Variants in RFX2 observed in about 807,000 individuals in gnomAD.
The protein encoded by RFX2 is regulatory factor X2, also known as DNA-binding protein RFX2.
A neutral mutation model predicts 87.8 loss-of-function variants in RFX2; 20 were observed. That is an observed-to-expected ratio of 0.23 (90% CI 0.16 to 0.33). RFX2 has a LOEUF of 0.33. Ranked by LOEUF, RFX2 falls within the 10% of genes least tolerant of loss-of-function variation. The probability of loss-of-function intolerance (pLI) is 1.00; values close to 1 mark genes in which losing one functional copy is unlikely to be tolerated. For missense variants in RFX2, 767 were observed against 1,012.3 expected, an observed-to-expected ratio of 0.76 and a Z score of 3.29; for synonymous variants, 397 against 431.3, an observed-to-expected ratio of 0.92 and a Z score of 0.98.
rs188870984 is a variant in RFX2 at position 6,002,663 on chromosome 19, G to T, written c.1650+58C>A. 9.2e-3 allele frequency: 14,741 copies of T among 1,597,238 alleles called. 88 individuals are homozygous for T. The highest frequency in any genetic ancestry group is 0.014 in the Middle Eastern group (65 of 4,506). On this transcript the variant is annotated intron_variant, in intron 14 of 17. Transcript: ENST00000303657. This position sits in a 1 kb window ranked among gnomAD's most constrained non-coding sequence, Gnocchi z 6.7. ...GCCACGGGCTCCACTTGGTGGGTTT[G>T]CTGGTTTTGCTGGAGGGCGGGAAGC...
intron 16 of RFX2, among the ~76,000 whole-genome samples, 174 bp from the exon 17 acceptor site, chr19:5,995,817 C>G (rs2144655275): frequency 6.6e-6 from 1 of 152,314 alleles, no homozygotes; most frequent in East Asian, 1.9e-4. Context: ...GGGTGGGTCC[C>G]TGTGCCCTGT....
At position 6,045,347 on chromosome 19, in the gene RFX2, G is replaced by C. The variant is rs1281460359; in HGVS notation, c.91-1065C>G. ...ACACATGGTGGCCGTGAGTGGCACT[G>C]AGACCTGTCCATGGTGGCTGCTGCA... is the stretch of plus-strand genomic sequence containing the variant. On this transcript the variant is annotated intron_variant, in intron 2 of 17. Coordinates refer to ENST00000303657, the MANE Select transcript of RFX2 (RefSeq NM_000635.4). The surrounding 1 kb of genome is among the most constrained non-coding windows in gnomAD (Gnocchi z 5.2). 6.6e-6 allele frequency among the ~76,000 whole-genome samples: 1 copy of C among 152,214 alleles called. No homozygotes were observed. The highest frequency in any genetic ancestry group is 2.4e-5 in the African/African-American group (1 of 41,464).
chr19:6,098,656 C>A (rs913362970), intron 1 of RFX2, among the ~76,000 whole-genome samples: 3 of 152,012 alleles, frequency 2.0e-5, no homozygotes, highest in African/African-American at 7.2e-5. Context: ...GAGACTTTCT[C>A]CTCAGCCTAC....
At chr19:6,003,784 A>G (rs1483075580) in intron 13 of RFX2, among the ~76,000 whole-genome samples, 1 of 96,044 alleles carries the variant, frequency 1.0e-5, no homozygotes, top group Admixed American at 1.2e-4. Flanking sequence ...GTCTCAAAAA[A>G]AAAAAAAAAA....
chr19:6,026,400 A>T lies in RFX2; in HGVS notation c.523-163T>A, dbSNP rs2086889239. ...GCTCCACGCAGGCAGGGCGGGGGTG[A>T]GTTAAATTGTGCATGAAAGCTGCGG... On this transcript the variant is annotated intron_variant, in intron 5 of 17. Transcript: ENST00000303657. This position sits in a 1 kb window ranked among gnomAD's most constrained non-coding sequence, Gnocchi z 4.5. 1.6e-6 allele frequency: 1 copy of T among 643,312 alleles called. No individual in the cohort carries two copies. Among genetic ancestry groups the T allele is most frequent in the Non-Finnish European group, 2.7e-6 (1 of 372,674 alleles). The allele number at this position is 643,312 out of a possible 1,614,324, so 39.9% of individuals were successfully genotyped here.
At chr19:6,028,619 C>T (rs2086918522) in intron 5 of RFX2, among the ~76,000 whole-genome samples, 1 of 151,160 alleles carries the variant, frequency 6.6e-6, no homozygotes, top group Non-Finnish European at 1.5e-5. Context: ...CAAAAGCAGT[C>T]AAAAAATGGG....
chr19:6,000,504 T>C (rs2086476867), intron 15 of RFX2, among the ~76,000 whole-genome samples: 1 of 152,168 alleles, frequency 6.6e-6, no homozygotes, highest in African/African-American at 2.4e-5. Context: ...ATGATCCCCA[T>C]GTGTTGTGGG....
In RFX2 at chr19:6,002,051, G is replaced by A; in HGVS notation, c.1651-28C>T. 1 of 1,564,536 alleles carries A rather than the reference G, an allele frequency of 6.4e-7. No individual in the cohort carries two copies. Reference sequence around the variant, plus strand: ...GTGGGCAGGGCAGAGGCCAGTGTCAGCAATGTGGACCCCCAGCCACGGCAG... The same window carrying A: ...GTGGGCAGGGCAGAGGCCAGTGTCAACAATGTGGACCCCCAGCCACGGCAG... On this transcript the variant is annotated intron_variant, in intron 14 of 17. Coordinates refer to ENST00000303657, the MANE Select transcript of RFX2 (RefSeq NM_000635.4). This position sits in a 1 kb window ranked among gnomAD's most constrained non-coding sequence, Gnocchi z 6.7.
chr19:6,008,082 G>A (rs1184647243), intron 10 of RFX2, 24 bp downstream of exon 10: 2 of 1,509,994 alleles, frequency 1.3e-6, no homozygotes, highest in Non-Finnish European at 1.8e-6. Flanking sequence ...CGCAGGAGCT[G>A]CCTGCCTGGG....
At chr19:6,089,767 T>C (rs2087907745) in intron 1 of RFX2, among the ~76,000 whole-genome samples, 1 of 152,148 alleles carries the variant, frequency 6.6e-6, no homozygotes, top group Non-Finnish European at 1.5e-5. Flanking sequence ...TCTCTAATAT[T>C]TTTGTTGTAG....
rs1010104191 is a variant in RFX2, at chr19:5,993,606, T to G, written c.*1229A>C. ...AAACATTTTTCCAAAAAGAGAAAACTATTGCATTTCGTTAGAAATCGCGTC... is the reference window on the plus strand; with the variant it reads ...AAACATTTTTCCAAAAAGAGAAAACGATTGCATTTCGTTAGAAATCGCGTC... On this transcript the variant is annotated 3_prime_UTR_variant, in exon 18 of 18. Transcript: ENST00000303657. 4.6e-5 allele frequency: 7 copies of G among 152,226 alleles called. No homozygotes were observed. The highest frequency in any genetic ancestry group is 1.7e-4 in the African/African-American group (7 of 41,454). The allele number at this position is 152,226 out of a possible 1,614,324, so 9.4% of individuals were successfully genotyped here.
intron 1 of RFX2, among the ~76,000 whole-genome samples, chr19:6,095,366 A>G (rs2088006199): frequency 6.6e-6 from 1 of 152,198 alleles, no homozygotes; most frequent in Non-Finnish European, 1.5e-5. Flanking sequence ...TTGACAAATA[A>G]TTACTCTATT....
chr19:6,065,462 C>T (rs1457110437), intron 1 of RFX2, among the ~76,000 whole-genome samples: 6 of 152,084 alleles, frequency 3.9e-5, no homozygotes, highest in Non-Finnish European at 5.9e-5. Context: ...CTGGCTAACA[C>T]GGTGAAACCC....
In RFX2 at chr19:5,998,169, A is replaced by G. The variant is rs1044271010; in HGVS notation, c.1860-956T>C. On this transcript the variant is annotated intron_variant, in intron 15 of 17. Coordinates refer to ENST00000303657, the MANE Select transcript of RFX2 (RefSeq NM_000635.4). This position sits in a 1 kb window ranked among gnomAD's most constrained non-coding sequence, Gnocchi z 4.2. ...CTAAGAATACAAAAATTAGTGAGGC[A>G]TGGTGGCACATGCCTGTAATCCCAG... is the stretch of plus-strand genomic sequence containing the variant. Among the ~76,000 whole-genome samples the G allele has an allele frequency of 6.6e-6, 1 of 152,180 alleles. No individual in the cohort carries two copies. The highest frequency in any genetic ancestry group is 6.5e-5 in the Admixed American group (1 of 15,288).
intron 1 of RFX2, among the ~76,000 whole-genome samples, chr19:6,058,654 C>T (rs894992899): frequency 3.9e-5 from 6 of 152,022 alleles, no homozygotes; most frequent in Non-Finnish European, 7.4e-5. Flanking sequence ...GAGCTGGCTC[C>T]GAGCTTCTCT....
chr19:6,031,841 T>C (rs2086957624), intron 5 of RFX2, among the ~76,000 whole-genome samples: 1 of 151,868 alleles, frequency 6.6e-6, no homozygotes, highest in Non-Finnish European at 1.5e-5. Flanking sequence ...AAAAAAGAGG[T>C]GGGGTCTCTC....
intron 17 of RFX2, 44 bp from the exon 18 acceptor site, chr19:5,994,994 A>G (rs772532011): frequency 6.9e-7 from 1 of 1,457,788 alleles, no homozygotes; most frequent in African/African-American, 1.4e-5. Flanking sequence ...TCAGGAGGGC[A>G]CGAGAGGGAG....
intron 7 of RFX2, among the ~76,000 whole-genome samples, 185 bp downstream of exon 7, chr19:6,015,905 C>G (rs1375660781): frequency 6.6e-6 from 1 of 152,212 alleles, no homozygotes; most frequent in East Asian, 1.9e-4. Context: ...CTTCTAAAGC[C>G]GACACCGTGG....
At chr19:5,995,481 C>T in intron 17 of RFX2, 120 bp downstream of exon 17, 1 of 998,690 alleles carries the variant, frequency 1.0e-6, no homozygotes, top group Admixed American at 2.0e-5. Context: ...CCAGGGCCCT[C>T]ACCCCCCAAG....
Sources: gnomAD v4.1 joint callset for allele counts (sites outside exome capture counted in the v4.1 genomes callset) on GRCh38, gnomAD v4.1.1 for gene constraint, Gnocchi (gnomAD v3.1) non-coding constraint, MANE v1.5 for transcripts, NCBI Gene and HGNC (gene_info 2026-07-23, HGNC 2026-07-21) for gene names.